CRACR2B: variants seen among roughly 807,000 people sequenced by gnomAD.
The protein encoded by CRACR2B is EF-hand calcium-binding domain-containing protein 4A.
Under a neutral mutation model 46.0 loss-of-function variants are expected in CRACR2B, and 50 were observed. The observed-to-expected ratio is 1.09, with a 90% CI of 0.87 to 1.38. CRACR2B has a LOEUF of 1.38. Among genes scored for constraint, CRACR2B ranks in the 40% most tolerant of loss-of-function variants. The probability of loss-of-function intolerance (pLI) is 0.00; values close to 1 mark genes in which losing one functional copy is unlikely to be tolerated. For synonymous variants in CRACR2B, 277 were observed against 239.6 expected (o/e 1.16, Z -1.44); for missense variants, 667 against 535.0 (o/e 1.25, Z -2.43).
chr11:828,672 GC>G lies in CRACR2B; in HGVS notation c.66del (p.Ser23LeufsTer135), dbSNP rs1846100056. 3.1e-6 allele frequency: 5 copies of G among 1,609,580 alleles called. No homozygotes were observed. The highest frequency in any genetic ancestry group is 4.2e-6 in the Non-Finnish European group (5 of 1,178,752). The stretch of plus-strand genomic sequence containing the variant: ...GAGGAGGAGGGGGAACTCGAGGGGG[GC>G]TCTGCAGGGCCGCGGGCTGCAATAC... The part of the protein sequence containing the change: ...AQEEEGELEG[G>X]SAGPRAAILE... On this transcript the variant is annotated frameshift_variant, in exon 1 of 9. Coordinates refer to ENST00000525077, the MANE Select transcript of CRACR2B (RefSeq NM_001286606.2). LOFTEE classifies it high-confidence loss of function.
chr11:831,096 C>T, intron 7 of CRACR2B, 64 bp downstream of exon 7: 1 of 1,549,796 alleles, frequency 6.5e-7, no homozygotes, highest in Non-Finnish European at 8.7e-7. Context: ...GACGGGCGCT[C>T]AGGTCTGGGC....
Position 830,112 on chromosome 11 carries a change from C to T in CRACR2B, c.585C>T (p.Gly195=), listed in dbSNP as rs1256406717. ...CLEEAARERD[G]LEQALRRRES... ...AGGAGGCGGCCCGGGAGCGCGACGGCCTGGAGCAGGCGCTGCGGAGGTGAG... is the reference window on the plus strand; with the variant it reads ...AGGAGGCGGCCCGGGAGCGCGACGGTCTGGAGCAGGCGCTGCGGAGGTGAG... Residue 195 remains glycine, a synonymous_variant, in exon 4 of 9, where the codon GGC becomes GGT. Coordinates refer to ENST00000525077, the MANE Select transcript of CRACR2B (RefSeq NM_001286606.2). The T allele has an allele frequency of 6.5e-7, 1 of 1,537,748 alleles. No individual in the cohort carries two copies. The highest frequency in any genetic ancestry group is 1.4e-5 in the African/African-American group (1 of 73,318).
Position 831,726 on chromosome 11 carries a change from C to A in CRACR2B, c.*17C>A, listed in dbSNP as rs1846469922. ...GCCCGGTGACCAGCCCCGAGTGACT[C>A]ACGGACCATGAGCTAGAAGCTGCCC... On this transcript the variant is annotated 3_prime_UTR_variant, in exon 9 of 9. Transcript: ENST00000525077. 2 of 1,489,926 alleles carry A rather than the reference C, an allele frequency of 1.3e-6. No homozygotes were observed. Among genetic ancestry groups the A allele is most frequent in the Non-Finnish European group, 1.8e-6 (2 of 1,130,882 alleles). The allele number at this position is 1,489,926 out of a possible 1,614,324, so 92.3% of individuals were successfully genotyped here.
Position 831,236 on chromosome 11 carries a change from C to G in CRACR2B, c.966C>G (p.Ala322=). The change falls in exon 8 of 9, where the codon GCC becomes GCG. Residue 322 remains alanine, a synonymous_variant. Coordinates refer to ENST00000525077, the MANE Select transcript of CRACR2B (RefSeq NM_001286606.2). ...CTCCCATCCACAGAGACGTGGTCGCCGTCTCCAGGAACATGCAGAAAGAGA... is the reference window on the plus strand; with the variant it reads ...CTCCCATCCACAGAGACGTGGTCGCGGTCTCCAGGAACATGCAGAAAGAGA... ...RQEQTQRDVV[A]VSRNMQKEKV... The G allele has an allele frequency of 1.2e-6, 2 of 1,610,338 alleles. No homozygotes were observed. The highest frequency in any genetic ancestry group is 1.7e-6 in the Non-Finnish European group (2 of 1,179,286).
intron 8 of CRACR2B, 42 bp from the exon 9 acceptor site, chr11:831,493 G>A (rs748212472): frequency 8.5e-6 from 13 of 1,528,994 alleles, no homozygotes; most frequent in African/African-American, 1.4e-5. Flanking sequence ...CCCACCTTGA[G>A]CTCCCTCAGA....
upstream of CRACR2B, among the ~76,000 whole-genome samples, chr11:827,883 G>A (rs932918871): frequency 1.2e-4 from 18 of 152,218 alleles, no homozygotes; most frequent in Admixed American, 3.3e-4. Flanking sequence ...GGTGGGAAGG[G>A]AGGCCCCAGG....
intron 2 of CRACR2B, 66 bp from the exon 3 acceptor site, chr11:829,294 G>C: frequency 6.5e-7 from 1 of 1,530,858 alleles, no homozygotes; most frequent in Non-Finnish European, 8.8e-7. Context: ...TCGTTGGGAG[G>C]GTGAACGGGG....
intron 4 of CRACR2B, 41 bp downstream of exon 4, chr11:830,173 C>A (rs1265116670): frequency 6.7e-7 from 1 of 1,503,520 alleles, no homozygotes; most frequent in East Asian, 2.5e-5. Context: ...TGGAGGGCCT[C>A]AGGGCAGCAG....
chr11:830,555 C>T, intron 5 of CRACR2B, 66 bp from the exon 6 acceptor site: 1 of 1,547,362 alleles, frequency 6.5e-7, no homozygotes, highest in Non-Finnish European at 8.7e-7. Context: ...GCCCCTGGCC[C>T]TCCGTGTACC....
upstream of CRACR2B, chr11:827,385 C>G (rs1845974744): frequency 4.3e-6 from 1 of 232,566 alleles, no homozygotes; most frequent in Non-Finnish European, 7.1e-6. Context: ...CCCTCCGGGC[C>G]GCCGTGGCCC....
intron 2 of CRACR2B, 74 bp from the exon 3 acceptor site, chr11:829,286 G>C: frequency 6.6e-7 from 1 of 1,522,772 alleles, no homozygotes; most frequent in Admixed American, 2.4e-5. Context: ...CAGGATACTC[G>C]TTGGGAGGGT....
chr11:830,742 A>G (rs1399716480), intron 6 of CRACR2B, 29 bp downstream of exon 6: 7 of 1,508,878 alleles, frequency 4.6e-6, no homozygotes, highest in African/African-American at 1.4e-5. Flanking sequence ...CCCTGTCCCC[A>G]CGGTCACCCG....
In CRACR2B at chr11:830,308, C is replaced by T. The variant is rs2133917000; in HGVS notation, c.664C>T (p.Arg222Trp). ...TCTGTACGAGGAGACGGAGCAGCTTCGGGAGCAGAGCCGGCGCCCGCCGAG... is the reference window on the plus strand; with the variant it reads ...TCTGTACGAGGAGACGGAGCAGCTTTGGGAGCAGAGCCGGCGCCCGCCGAG... ...RALYEETEQL[R>W]EQSRRPPSQN... The change falls in exon 5 of 9, where the codon CGG (arginine) becomes TGG (tryptophan). Residue 222 changes from arginine (R) to tryptophan (W), a missense_variant. Arg to Trp is a moderately radical substitution (Grantham distance 101). Transcript: ENST00000525077. 1 of 1,534,248 alleles carries T rather than the reference C, an allele frequency of 6.5e-7. No individual in the cohort carries two copies. The highest frequency in any genetic ancestry group is 8.7e-7 in the Non-Finnish European group (1 of 1,143,594).
In CRACR2B at chr11:828,907, G is replaced by A; in HGVS notation, c.221G>A (p.Ser74Asn). The change falls in exon 2 of 9, where the codon AGT becomes AAT. Residue 74 changes from serine (S) to asparagine (N), a missense_variant. By Grantham distance (46) the Ser-to-Asn change is conservative. Transcript: ENST00000525077. ...TPEQLEAVFESLDRAHTGFLT... is the reference protein window; with the variant it reads ...TPEQLEAVFENLDRAHTGFLT... ...GAGCAGCTGGAGGCTGTGTTTGAAA[G>A]TCTGGACCGGGCTCACACTGGCTTC... is the stretch of plus-strand genomic sequence containing the variant. 1.2e-6 allele frequency: 2 copies of A among 1,609,146 alleles called. No homozygotes were observed. The highest frequency in any genetic ancestry group is 1.7e-6 in the Non-Finnish European group (2 of 1,179,968).
chr11:830,229 G>A (rs755028041), intron 4 of CRACR2B, 21 bp from the exon 5 acceptor site: 3 of 1,498,556 alleles, frequency 2.0e-6, no homozygotes, highest in South Asian at 2.6e-5. Flanking sequence ...TTCTCATCCG[G>A]GGTCGCCCGG....
In CRACR2B at chr11:828,497, T is replaced by C; in HGVS notation, c.-111T>C. The C allele has an allele frequency of 1.5e-6, 2 of 1,335,296 alleles. No individual in the cohort carries two copies. Among genetic ancestry groups the C allele is most frequent in the South Asian group, 3.1e-5 (2 of 63,580 alleles). The allele number at this position is 1,335,296 out of a possible 1,614,324, so 82.7% of individuals were successfully genotyped here. On this transcript the variant is annotated 5_prime_UTR_variant, in exon 1 of 9. Coordinates refer to ENST00000525077, the MANE Select transcript of CRACR2B (RefSeq NM_001286606.2). ...TTCCCACCTGCTGCAGGGAGGGCCC[T>C]CGGCTGAGCCTTCAGACACACTTGC... is the stretch of plus-strand genomic sequence containing the variant.
At position 831,291 on chromosome 11, in the gene CRACR2B, C is replaced by T. The variant is rs753043393; in HGVS notation, c.1021C>T (p.Leu341Phe). The part of the protein sequence containing the change: ...KVSLLRQLEL[L>F]RELNTRLRDD... ...CAGCCTGCTACGGCAACTGGAGCTG[C>T]TCAGGTACGGTCAGGCTCAGGCCCG... The change falls in exon 8 of 9, where the codon CTC becomes TTC. Residue 341 changes from leucine (L) to phenylalanine (F), a missense_variant. By Grantham distance (22) the Leu-to-Phe change is conservative. Coordinates refer to ENST00000525077, the MANE Select transcript of CRACR2B (RefSeq NM_001286606.2). 6.2e-7 allele frequency: 1 copy of T among 1,609,684 alleles called. No individual in the cohort carries two copies. Among genetic ancestry groups the T allele is most frequent in the Non-Finnish European group, 8.5e-7 (1 of 1,178,928 alleles).
rs764744958 is a variant in CRACR2B, at chr11:829,113, G to C, written c.277+150G>C. 5.5e-6 allele frequency: 7 copies of C among 1,274,380 alleles called. No homozygotes were observed. The Middle Eastern group carries it at 9.1e-4, about 166-fold the overall frequency. The allele number at this position is 1,274,380 out of a possible 1,614,324, so 78.9% of individuals were successfully genotyped here. A position where few individuals can be genotyped will look rare whatever the true frequency, so the allele number is the denominator to read the frequency against. On this transcript the variant is annotated intron_variant, in intron 2 of 8. Coordinates refer to ENST00000525077, the MANE Select transcript of CRACR2B (RefSeq NM_001286606.2). ...TGTCTGCACGCACTCGCGCCTGGGG[G>C]CTCCTAGCTGCGGTGGAGTGTGTGG...
chr11:829,660 G>T, intron 3 of CRACR2B, 120 bp downstream of exon 3: 1 of 1,199,880 alleles, frequency 8.3e-7, no homozygotes, highest in Non-Finnish European at 1.1e-6. Context: ...GTCAGGCCCA[G>T]CCTAGCGTCA....
Sources: gnomAD v4.1 joint callset for allele counts (sites outside exome capture counted in the v4.1 genomes callset) on GRCh38, gnomAD v4.1.1 for gene constraint, MANE v1.5 for transcripts, NCBI Gene and HGNC (gene_info 2026-07-23, HGNC 2026-07-21) for gene names.